The following ABCB1 variants were observed in gnomAD, a reference collection of about 807,000 sequenced individuals.
ABCB1 encodes the protein ATP-dependent translocase ABCB1.
A neutral mutation model predicts 142.0 loss-of-function variants in ABCB1; 69 were observed. The observed-to-expected ratio is 0.49, with a 90% CI of 0.40 to 0.59. The LOEUF (loss-of-function observed/expected upper bound fraction) is 0.59, where lower values mean the gene tolerates loss of function less well. Ranked by LOEUF, ABCB1 falls within the 20% of genes least tolerant of loss-of-function variation. The probability of loss-of-function intolerance (pLI) is 0.00; values close to 1 mark genes in which losing one functional copy is unlikely to be tolerated. For synonymous variants in ABCB1, 532 were observed against 539.2 expected, an observed-to-expected ratio of 0.99 and a Z score of 0.18; for missense variants, 1,326 against 1,554.7, an observed-to-expected ratio of 0.85 and a Z score of 2.47.
chr7:87,630,916 T>C (rs903081884), intron 1 of ABCB1, among the ~76,000 whole-genome samples: 24 of 152,302 alleles, frequency 1.6e-4, no homozygotes, highest in African/African-American at 5.8e-4. Flanking sequence ...CTTTAAGAAA[T>C]TTTAGGAACG....
At chr7:87,518,518 T>G (rs1331703354) in intron 23 of ABCB1, among the ~76,000 whole-genome samples, 3 of 152,214 alleles carry the variant, frequency 2.0e-5, no homozygotes, top group Non-Finnish European at 4.4e-5. Context: ...GATGTCTTTT[T>G]GGGGGTCATC....
At chr7:87,632,112 CAA>C (rs201197232) in intron 1 of ABCB1, among the ~76,000 whole-genome samples, 10 of 134,948 alleles carry the variant, frequency 7.4e-5, no homozygotes, top group African/African-American at 8.1e-5. Flanking sequence ...TTTACAAAAC[CAA>C]AAAAAAAAAA....
At chr7:87,543,223 G>A (rs1584863795) in intron 17 of ABCB1, among the ~76,000 whole-genome samples, 2 of 152,256 alleles carry the variant, frequency 1.3e-5, no homozygotes, top group South Asian at 4.2e-4. Flanking sequence ...GAACCCAGGA[G>A]GCAGAGGCTG....
At chr7:87,681,112 A>C (rs1826888105) in intron 1 of ABCB1, among the ~76,000 whole-genome samples, 1 of 150,628 alleles carries the variant, frequency 6.6e-6, no homozygotes, top group Non-Finnish European at 1.5e-5. Flanking sequence ...ATTTCTTGAA[A>C]GACAAATCCT....
chr7:87,512,190 ATT>A (rs5885587), intron 25 of ABCB1, among the ~76,000 whole-genome samples: 19 of 149,520 alleles, frequency 1.3e-4, no homozygotes, highest in African/African-American at 2.2e-4. Flanking sequence ...TAAAAAAAAA[ATT>A]TTTTTTTTTT....
At chr7:87,585,415 C>T (rs1298104409) in intron 4 of ABCB1, 97 bp downstream of exon 4, 11 of 1,247,114 alleles carry the variant, frequency 8.8e-6, no homozygotes, top group Non-Finnish European at 1.1e-5. Flanking sequence ...GGACTAAACA[C>T]ACTAATGTGT....
chr7:87,517,280 G>C lies in ABCB1; in HGVS notation c.2928-615C>G, dbSNP rs566380898. ...TTGCTTTGGCCAACAGGATATGGTGGAAATCACTTTTGCCAGTTCCAAGCC... is the reference window on the plus strand; with the variant it reads ...TTGCTTTGGCCAACAGGATATGGTGCAAATCACTTTTGCCAGTTCCAAGCC... On this transcript the variant is annotated intron_variant, in intron 23 of 27. Transcript: ENST00000622132. Among the ~76,000 whole-genome samples the C allele has an allele frequency of 1.2e-4, 18 of 152,188 alleles. 1 individual carries two copies. The highest frequency in any genetic ancestry group is 4.1e-4 in the African/African-American group (17 of 41,518).
intron 1 of ABCB1, among the ~76,000 whole-genome samples, chr7:87,674,095 G>T (rs550552923): frequency 6.6e-6 from 1 of 152,282 alleles, no homozygotes; most frequent in Admixed American, 6.5e-5. Flanking sequence ...AAGGGCCAAG[G>T]TGTTTTCAGT....
chr7:87,626,111 TG>T (rs1363844475), intron 1 of ABCB1, among the ~76,000 whole-genome samples: 2 of 138,248 alleles, frequency 1.4e-5, no homozygotes, highest in African/African-American at 2.7e-5. Flanking sequence ...GTCATATATA[TG>T]TGTCATATAT....
At chr7:87,621,238 C>A (rs1175953703) in intron 1 of ABCB1, among the ~76,000 whole-genome samples, 1 of 152,030 alleles carries the variant, frequency 6.6e-6, no homozygotes, top group Non-Finnish European at 1.5e-5. Flanking sequence ...GGAACACTAA[C>A]CTTACGAGAT....
At chr7:87,631,978 T>C (rs1821268957) in intron 1 of ABCB1, among the ~76,000 whole-genome samples, 1 of 152,194 alleles carries the variant, frequency 6.6e-6, no homozygotes, top group African/African-American at 2.4e-5. Flanking sequence ...AGGGTAATAA[T>C]GATAAGATAA....
chr7:87,556,234 A>C (rs983505632), intron 8 of ABCB1, among the ~76,000 whole-genome samples: 1 of 152,230 alleles, frequency 6.6e-6, no homozygotes, highest in East Asian at 1.9e-4. Flanking sequence ...GAAAATATTT[A>C]TCAATAATGC....
intron 1 of ABCB1, chr7:87,713,066 A>G (rs1040056587): frequency 6.6e-6 from 1 of 152,164 alleles, no homozygotes; most frequent in Non-Finnish European, 1.5e-5. Flanking sequence ...CTTAATTCTA[A>G]TTAAATTTGA....
rs575714333 is a variant in ABCB1, at chr7:87,637,513, C to A, written c.-330-36435G>T. Among the ~76,000 whole-genome samples, 91 of 152,176 alleles carry A rather than the reference C, an allele frequency of 6.0e-4. 1 individual carries two copies. The highest frequency in any genetic ancestry group is 2.2e-3 in the African/African-American group (90 of 41,534). On this transcript the variant is annotated intron_variant, in intron 1 of 28. Transcript: ENST00000265724. ...TATAAATCAGTTTTGGGAAAACTGC[C>A]ATCTTTATGATATTAAGACTTACGT...
In ABCB1 at chr7:87,504,331, T is replaced by C. The variant is rs768562415; in HGVS notation, c.3755A>G (p.Lys1252Arg). 1.1e-5 allele frequency: 17 copies of C among 1,613,960 alleles called. No individual in the cohort carries two copies. Among genetic ancestry groups the C allele is most frequent in the Non-Finnish European group, 1.2e-5 (14 of 1,180,008 alleles). ...CAGCTGCTGATGCGTGCCATGCTCCTTGACTCTGCCATTCTGAAACACCAC... is the reference window on the plus strand; with the variant it reads ...CAGCTGCTGATGCGTGCCATGCTCCCTGACTCTGCCATTCTGAAACACCAC... Reference protein sequence around the residue: ...LIVVFQNGRVKEHGTHQQLLA... With the variant: ...LIVVFQNGRVREHGTHQQLLA... The change falls in exon 28 of 28, where the codon AAG (lysine) becomes AGG (arginine). Residue 1252 changes from lysine (K) to arginine (R), a missense_variant. Physicochemically the swap from Lys to Arg is conservative, Grantham distance 26 (BLOSUM62 2). Transcript: ENST00000622132.
chr7:87,542,828 A>T (rs1816600536), intron 17 of ABCB1, among the ~76,000 whole-genome samples: 1 of 152,188 alleles, frequency 6.6e-6, no homozygotes, highest in Non-Finnish European at 1.5e-5. Flanking sequence ...GCTGTTGTGT[A>T]CTACTAGGTC....
intron 2 of ABCB1, 111 bp from the exon 3 acceptor site, chr7:87,595,925 C>T: frequency 1.3e-6 from 1 of 788,824 alleles, no homozygotes; most frequent in Non-Finnish European, 2.1e-6. Context: ...AGAAATATGT[C>T]TATATTATAC....
rs3838254 is a variant in ABCB1, at chr7:87,649,121, TC to T, written c.-330-48044del. ...CACTGTCTTAGGCACTCATATACCA[TC>T]CTTTATAGGATATTACTATAAAGAG... On this transcript the variant is annotated intron_variant, in intron 1 of 28. Coordinates refer to the ABCB1 transcript ENST00000265724. Among the ~76,000 whole-genome samples the T allele has an allele frequency of 7.6e-3, 1,158 of 152,258 alleles. 13 individuals are homozygous for T. The highest frequency in any genetic ancestry group is 0.05 in the East Asian group (257 of 5,182).
intron 1 of ABCB1, among the ~76,000 whole-genome samples, chr7:87,674,430 A>G (rs1826124284): frequency 6.6e-6 from 1 of 152,088 alleles, no homozygotes; most frequent in Admixed American, 6.5e-5. Flanking sequence ...GTGCCCACAC[A>G]TCAGTGGGGG....
Sources: gnomAD v4.1 joint callset for allele counts (sites outside exome capture counted in the v4.1 genomes callset) on GRCh38, gnomAD v4.1.1 for gene constraint, MANE v1.5 for transcripts, NCBI Gene and HGNC (gene_info 2026-07-23, HGNC 2026-07-21) for gene names.